The following CRHR1 variants were observed in gnomAD, a reference collection of about 807,000 sequenced individuals.
The protein encoded by CRHR1 is corticotropin-releasing hormone receptor 1.
In CRHR1, 28 loss-of-function variants were observed where a neutral mutation model predicts 56.0. The observed-to-expected ratio is 0.50, with a 90% confidence interval of 0.37 to 0.69. The LOEUF (loss-of-function observed/expected upper bound fraction) is 0.69, where lower values mean the gene tolerates loss of function less well. CRHR1 is among the 30% of genes least tolerant of loss of function. The pLI, the probability that CRHR1 is intolerant of heterozygous loss-of-function variation, is 0.00. For synonymous variants in CRHR1, 195 were observed against 216.5 expected (o/e 0.90, Z 0.87); for missense variants, 376 against 548.0 (o/e 0.69, Z 3.13).
At position 45,834,061 on chromosome 17, in the gene CRHR1, G is replaced by A; in HGVS notation, c.1107+13G>A. ...CCTCAATAGTGAGGTGAGGACCCGG[G>A]GGCCCTGCAGCGGGGTTCAGGGCTG... is the stretch of plus-strand genomic sequence containing the variant. On this transcript the variant is annotated intron_variant, in intron 12 of 12. Coordinates refer to ENST00000314537, the MANE Select transcript of CRHR1 (RefSeq NM_004382.5). 1.2e-6 allele frequency: 2 copies of A among 1,612,836 alleles called. No individual in the cohort carries two copies. Among genetic ancestry groups the A allele is most frequent in the Non-Finnish European group, 1.7e-6 (2 of 1,178,976 alleles).
intron 1 of CRHR1, among the ~76,000 whole-genome samples, chr17:45,794,947 G>C (rs2061492061): frequency 6.6e-6 from 1 of 152,310 alleles, no homozygotes; most frequent in East Asian, 1.9e-4. Context: ...CTGACTCTGG[G>C]AAGAGGCTGC....
Position 45,827,669 on chromosome 17 carries a change from A to G in CRHR1, c.328-1546A>G, listed in dbSNP as rs1461107760. ...TGTAATTACCTGCCATGTTCCAGAA[A>G]GCCTCTGCCTGGAAACCAGCTCCAA... On this transcript the variant is annotated intron_variant, in intron 4 of 12. Transcript: ENST00000314537. 5 of 152,212 alleles carry G rather than the reference A, an allele frequency of 3.3e-5. No individual in the cohort carries two copies. The South Asian group carries it at 8.3e-4, about 25-fold the overall frequency. The allele number at this position is 152,212 out of a possible 1,614,324, so 9.4% of individuals were successfully genotyped here.
At chr17:45,829,585 C>T (rs1358713123) in intron 5 of CRHR1, 2 of 1,550,800 alleles carry the variant, frequency 1.3e-6, no homozygotes, top group Admixed American at 3.9e-5. Context: ...ATTGGGGTGA[C>T]CAGGCAGATG....
At position 45,807,380 on chromosome 17, in the gene CRHR1, C is replaced by T. The variant is rs954844446; in HGVS notation, c.121+283C>T. 8.5e-5 allele frequency among the ~76,000 whole-genome samples: 13 copies of T among 152,290 alleles called. No homozygotes were observed. In the Middle Eastern group the frequency reaches 0.01, roughly 120 times the overall value. ...GGATTCTGAGTAGTTATCTTCCCTG[C>T]TTTAGGGTGGGCACAGGGGAGGGCA... On this transcript the variant is annotated intron_variant, in intron 2 of 12. Transcript: ENST00000314537.
chr17:45,830,528 A>G lies in CRHR1; in HGVS notation c.667A>G (p.Thr223Ala), dbSNP rs1160624125. Residue 223 changes from threonine (T) to alanine (A), a missense_variant, in exon 7 of 13, where the codon ACT (threonine) becomes GCT (alanine). Physicochemically the swap from Thr to Ala is moderately conservative, Grantham distance 58. Around this residue, in one of 2 missense-constraint regions of CRHR1, gnomAD observed 369 missense variants for 519.5 expected, o/e 0.71. Coordinates refer to ENST00000314537, the MANE Select transcript of CRHR1 (RefSeq NM_004382.5). ...CACAGCCATCGTGCTCACCTACTCC[A>G]CTGACCGGCTGCGCAAATGGATGTT... is the stretch of plus-strand genomic sequence containing the variant. ...LHTAIVLTYS[T>A]DRLRKWMFIC... The G allele has an allele frequency of 6.2e-7, 1 of 1,613,232 alleles. No homozygotes were observed. The highest frequency in any genetic ancestry group is 2.2e-5 in the East Asian group (1 of 44,872).
chr17:45,833,490 C>G lies in CRHR1; in HGVS notation c.882C>G (p.Leu294=). ...TCCTTTTCAACATCGTCCGCATCCT[C>G]ATGACCAAGCTCCGGGCATCCACCA... The part of the protein sequence containing the change: ...FIFLFNIVRI[L]MTKLRASTTS... Residue 294 remains leucine, a synonymous_variant, in exon 10 of 13, where the codon CTC becomes CTG. Coordinates refer to ENST00000314537, the MANE Select transcript of CRHR1 (RefSeq NM_004382.5). 2 of 1,614,076 alleles carry G rather than the reference C, an allele frequency of 1.2e-6. No individual in the cohort carries two copies.
At chr17:45,830,663 G>A in intron 7 of CRHR1, 93 bp downstream of exon 7, 1 of 1,482,980 alleles carries the variant, frequency 6.7e-7, no homozygotes, top group South Asian at 1.3e-5. Context: ...GGGGGCCTGA[G>A]GGATGGAGGT....
intron 1 of CRHR1, among the ~76,000 whole-genome samples, chr17:45,805,456 C>T (rs963751171): frequency 3.3e-5 from 5 of 152,114 alleles, no homozygotes; most frequent in South Asian, 2.1e-4. Flanking sequence ...ACCTCTCTCC[C>T]GATCTTATTT....
At chr17:45,793,918 G>T (rs931123818) in intron 1 of CRHR1, among the ~76,000 whole-genome samples, 2 of 152,178 alleles carry the variant, frequency 1.3e-5, no homozygotes, top group African/African-American at 4.8e-5. Context: ...GCTGCAAGGG[G>T]CCTGCTCCCA....
intron 1 of CRHR1, among the ~76,000 whole-genome samples, chr17:45,791,539 A>G (rs1394485453): frequency 6.6e-6 from 1 of 152,130 alleles, no homozygotes; most frequent in Non-Finnish European, 1.5e-5. Flanking sequence ...AGCATCCAAG[A>G]GAGCCTATGC....
chr17:45,815,495 T>C (rs2061909187), intron 2 of CRHR1, among the ~76,000 whole-genome samples: 1 of 152,198 alleles, frequency 6.6e-6, no homozygotes, highest in East Asian at 1.9e-4. Context: ...GTTCAGATGT[T>C]TATATCTCTT....
chr17:45,797,283 CTTTTT>C (rs899983592), intron 1 of CRHR1, among the ~76,000 whole-genome samples: 12 of 94,918 alleles, frequency 1.3e-4, no homozygotes, highest in East Asian at 6.1e-4. Context: ...TTCTTTCTTT[CTTTTT>C]TTTTTTTTTT....
chr17:45,825,389 A>G (rs1428907270), intron 4 of CRHR1: 1 of 153,668 alleles, frequency 6.5e-6, no homozygotes, highest in African/African-American at 2.4e-5. Context: ...ACCTCCCGCT[A>G]CTACTGTTCA....
intron 1 of CRHR1, among the ~76,000 whole-genome samples, chr17:45,801,964 C>T (rs943229097): frequency 6.6e-6 from 1 of 151,818 alleles, no homozygotes; most frequent in African/African-American, 2.4e-5. Context: ...CATTTATTTG[C>T]AAATCTTCAC....
chr17:45,806,898 A>T (rs1021262400), intron 1 of CRHR1, 112 bp from the exon 2 acceptor site: 1 of 810,620 alleles, frequency 1.2e-6, no homozygotes, highest in East Asian at 2.7e-5. Context: ...ACAGGGTGGG[A>T]GGGGAGGCAG....
chr17:45,812,959 AT>A (rs2061851269), intron 2 of CRHR1, among the ~76,000 whole-genome samples: 1 of 151,756 alleles, frequency 6.6e-6, no homozygotes, highest in Non-Finnish European at 1.5e-5. Context: ...CCTATACACA[AT>A]TTCCCTTCTG....
At position 45,829,844 on chromosome 17, in the gene CRHR1, C is replaced by T. The variant is rs115236955; in HGVS notation, c.435-250C>T. 5.4e-3 allele frequency among the ~76,000 whole-genome samples: 822 copies of T among 152,094 alleles called. 8 individuals are homozygous for T. The highest frequency in any genetic ancestry group is 0.018 in the African/African-American group (765 of 41,496). On this transcript the variant is annotated intron_variant, in intron 5 of 12. Coordinates refer to ENST00000314537, the MANE Select transcript of CRHR1 (RefSeq NM_004382.5). The stretch of plus-strand genomic sequence containing the variant: ...TCGCCAGGAATCCAGCTGCCCTGGT[C>T]CATGGAGCACAGGCTCCATGGAGTG...
chr17:45,828,278 T>A (rs1281717565), intron 4 of CRHR1, among the ~76,000 whole-genome samples: 1 of 152,218 alleles, frequency 6.6e-6, no homozygotes, highest in Non-Finnish European at 1.5e-5. Context: ...GCAGCCTTCG[T>A]ATCTTGCCAA....
intron 4 of CRHR1, 143 bp downstream of exon 4, chr17:45,821,583 T>A: frequency 1.2e-6 from 1 of 819,026 alleles, no homozygotes; most frequent in Admixed American, 2.2e-5. Flanking sequence ...GAGCTGGAGC[T>A]GTCAACTTGG....
Sources: gnomAD v4.1 joint callset for allele counts (sites outside exome capture counted in the v4.1 genomes callset) on GRCh38, gnomAD v4.1.1 for gene constraint, gnomAD v4.1.1 regional missense constraint, MANE v1.5 for transcripts, NCBI Gene and HGNC (gene_info 2026-07-23, HGNC 2026-07-21) for gene names.